TTC28: variants seen among roughly 807,000 people sequenced by gnomAD.
TTC28 encodes tetratricopeptide repeat protein 28.
A neutral mutation model predicts 198.0 loss-of-function variants in TTC28; 61 were observed. The ratio of observed to expected loss-of-function variants is 0.31; its 90% CI spans 0.25 to 0.38. The LOEUF (loss-of-function observed/expected upper bound fraction) is 0.38, where lower values mean the gene tolerates loss of function less well. Ranked by LOEUF, TTC28 falls within the 10% of genes least tolerant of loss-of-function variation. The pLI is 1.00. For missense variants in TTC28, 2,678 were observed against 3,164.0 expected (o/e 0.85, Z 3.69); for synonymous variants, 1,171 against 1,297.8 (o/e 0.90, Z 2.10).
At chr22:28,225,521 T>C (rs1192600724) in intron 5 of TTC28, among the ~76,000 whole-genome samples, 22 of 152,190 alleles carry the variant, frequency 1.4e-4, no homozygotes, top group Non-Finnish European at 7.3e-5. Context: ...TCAACTTTTC[T>C]GCCACGGACA....
chr22:28,468,058 C>T (rs1403038259), intron 2 of TTC28, among the ~76,000 whole-genome samples: 3 of 152,052 alleles, frequency 2.0e-5, no homozygotes, highest in Non-Finnish European at 2.9e-5. Flanking sequence ...CAGGCAGGAG[C>T]CACTGTGCCT....
At chr22:28,302,004 C>A (rs1202294061) in intron 3 of TTC28, among the ~76,000 whole-genome samples, 1 of 151,676 alleles carries the variant, frequency 6.6e-6, no homozygotes, top group African/African-American at 2.4e-5. Context: ...TGCCACTATA[C>A]TCCAGCTTAG....
intron 2 of TTC28, among the ~76,000 whole-genome samples, chr22:28,496,335 C>T (rs2048455108): frequency 6.6e-6 from 1 of 152,030 alleles, no homozygotes; most frequent in Admixed American, 6.6e-5. Context: ...ATATCTTAAA[C>T]TTAACATGTC....
intron 1 of TTC28, among the ~76,000 whole-genome samples, chr22:28,641,127 C>A (rs2051358293): frequency 6.6e-6 from 1 of 152,006 alleles, no homozygotes; most frequent in Admixed American, 6.6e-5. Context: ...AGATCGAGAC[C>A]ATCCTGGCCA....
rs1937096090 is a variant in TTC28 at position 27,983,526 on chromosome 22, AG to A, written c.6140del (p.Pro2047LeufsTer47). On this transcript the variant is annotated frameshift_variant, in exon 23 of 23. Coordinates refer to ENST00000397906, the MANE Select transcript of TTC28 (RefSeq NM_001145418.2). LOFTEE classifies it low-confidence loss of function (END_TRUNC). Reference sequence around the variant, plus strand: ...ATTCTTCTTCATCTTTGTTGCCTGCAGGGCGGGTCTGGGGAGGCAGCTGGCT... The same window carrying A: ...ATTCTTCTTCATCTTTGTTGCCTGCAGGCGGGTCTGGGGAGGCAGCTGGCT... ...PRSQLPPQTR[P>X]AGNKDEEEYE... 6.4e-7 allele frequency: 1 copy of A among 1,550,680 alleles called. No homozygotes were observed. The highest frequency in any genetic ancestry group is 8.7e-7 in the Non-Finnish European group (1 of 1,146,722).
Position 28,001,083 on chromosome 22 carries a change from C to T in TTC28, c.4398+291G>A. On this transcript the variant is annotated intron_variant, in intron 15 of 22. Coordinates refer to ENST00000397906, the MANE Select transcript of TTC28 (RefSeq NM_001145418.2). ...GTGCTCAGCCAGGCCTCAAGCCTTG[C>T]TGTGTACCTCAGAGCAGCTCCGTAC... 3 of 289,160 alleles carry T rather than the reference C, an allele frequency of 1.0e-5. No individual in the cohort carries two copies. The South Asian group carries it at 2.0e-4, about 19-fold the overall frequency. 17.9% of individuals were successfully genotyped at this position (289,160 alleles called of 1,614,324 possible). A position where few individuals can be genotyped will look rare whatever the true frequency, so the allele number is the denominator to read the frequency against.
At chr22:28,351,790 T>A (rs1400816023) in intron 2 of TTC28, among the ~76,000 whole-genome samples, 3 of 152,224 alleles carry the variant, frequency 2.0e-5, no homozygotes, top group Non-Finnish European at 4.4e-5. Context: ...TATCAAAGTC[T>A]GCTTTAAAGA....
intron 2 of TTC28, among the ~76,000 whole-genome samples, chr22:28,503,516 G>A (rs901966078): frequency 1.3e-5 from 2 of 152,052 alleles, no homozygotes; most frequent in African/African-American, 4.8e-5. Context: ...CTCACTTAAT[G>A]TCATTAGGCT....
At chr22:28,150,863 T>C (rs1943590239) in intron 6 of TTC28, among the ~76,000 whole-genome samples, 1 of 152,142 alleles carries the variant, frequency 6.6e-6, no homozygotes, top group Admixed American at 6.5e-5. Context: ...CAGCCGAAGG[T>C]AGGGTGAGCA....
intron 2 of TTC28, among the ~76,000 whole-genome samples, chr22:28,400,241 A>G (rs935991098): frequency 1.6e-4 from 24 of 152,208 alleles, no homozygotes; most frequent in Admixed American, 1.4e-3. Flanking sequence ...ACCATCATCA[A>G]CCAATTTTTA....
chr22:28,002,940 T>C (rs1392440123), intron 14 of TTC28, among the ~76,000 whole-genome samples: 1 of 152,150 alleles, frequency 6.6e-6, no homozygotes, highest in Non-Finnish European at 1.5e-5. Context: ...GCCAAGATTA[T>C]ACCAGTGTAC....
chr22:28,028,936 T>G (rs1601533352), intron 13 of TTC28: 4 of 469,050 alleles, frequency 8.5e-6, no homozygotes, highest in Non-Finnish European at 1.3e-5. Context: ...CCTAGTGTCC[T>G]ACAGCTTGTG....
chr22:28,574,353 TTGTG>T (rs145439302), intron 2 of TTC28, among the ~76,000 whole-genome samples: 48 of 148,716 alleles, frequency 3.2e-4, no homozygotes, highest in Middle Eastern at 3.5e-3. Context: ...ACTCCACTGT[TTGTG>T]TGTGTGTGTG....
chr22:27,981,889 C>G lies in TTC28; in HGVS notation c.*332G>C, dbSNP rs1223912976. ...CCCTTTCCTCTCCCCACCCCAGAACCATGATCATTTTTGTACAAAATCCTG... is the reference window on the plus strand; with the variant it reads ...CCCTTTCCTCTCCCCACCCCAGAACGATGATCATTTTTGTACAAAATCCTG... On this transcript the variant is annotated 3_prime_UTR_variant, in exon 23 of 23. Transcript: ENST00000397906. The G allele has an allele frequency of 7.6e-6, 2 of 261,912 alleles. No homozygotes were observed. Among genetic ancestry groups the G allele is most frequent in the African/African-American group, 4.4e-5 (2 of 45,132 alleles). 16.2% of individuals were successfully genotyped at this position (261,912 alleles called of 1,614,324 possible). A position where few individuals can be genotyped will look rare whatever the true frequency, so the allele number is the denominator to read the frequency against.
intron 12 of TTC28, among the ~76,000 whole-genome samples, chr22:28,086,584 T>G (rs1308073261): frequency 1.3e-4 from 20 of 152,070 alleles, no homozygotes; most frequent in Admixed American, 1.2e-3. Context: ...ATTGACACCC[T>G]AACATCACAA....
chr22:28,508,448 T>G (rs2146386963), intron 2 of TTC28, among the ~76,000 whole-genome samples: 2 of 152,188 alleles, frequency 1.3e-5, no homozygotes, highest in East Asian at 3.9e-4. Context: ...GATGCCCGGC[T>G]AATTTTTTGT....
chr22:28,041,039 C>G (rs1939614404), intron 12 of TTC28, among the ~76,000 whole-genome samples: 1 of 152,130 alleles, frequency 6.6e-6, no homozygotes, highest in South Asian at 2.1e-4. Flanking sequence ...TGTGAACGAC[C>G]TCTTCAAGGA....
intron 5 of TTC28, among the ~76,000 whole-genome samples, chr22:28,274,795 C>T (rs1406482222): frequency 7.2e-5 from 11 of 151,866 alleles, no homozygotes; most frequent in Admixed American, 7.2e-4. Flanking sequence ...GCCTGGCCAA[C>T]ATGGAGAAAC....
chr22:28,620,523 TAAAC>T (rs1378867658), intron 2 of TTC28, among the ~76,000 whole-genome samples: 2 of 152,200 alleles, frequency 1.3e-5, no homozygotes, highest in East Asian at 3.8e-4. Context: ...ATGGAAATTT[TAAAC>T]AAGTGGGATA....
Sources: gnomAD v4.1 joint callset for allele counts (sites outside exome capture counted in the v4.1 genomes callset) on GRCh38, gnomAD v4.1.1 for gene constraint, MANE v1.5 for transcripts, NCBI Gene and HGNC (gene_info 2026-07-23, HGNC 2026-07-21) for gene names.